The following FKBP4 variants were observed in gnomAD, a reference collection of about 807,000 sequenced individuals.
FKBP4 encodes the protein FKBP prolyl isomerase 4, also known as peptidyl-prolyl cis-trans isomerase FKBP4.
A neutral mutation model predicts 54.1 loss-of-function variants in FKBP4; 28 were observed. The observed-to-expected ratio is 0.52, with a 90% confidence interval of 0.38 to 0.71. FKBP4 has a LOEUF of 0.71. Among genes scored for constraint, FKBP4 ranks in the 30% least tolerant of loss-of-function variants. FKBP4 has a pLI of 0.00. For synonymous variants in FKBP4, 223 were observed against 216.1 expected, an observed-to-expected ratio of 1.03 and a Z score of -0.28; for missense variants, 493 against 574.4, an observed-to-expected ratio of 0.86 and a Z score of 1.45.
chr12:2,796,180 G>A (rs1259270356), intron 1 of FKBP4: 7 of 1,281,188 alleles, frequency 5.5e-6, no homozygotes, highest in Non-Finnish European at 5.1e-6. Context: ...CCTCATCCTG[G>A]CTTCCCACCG....
At chr12:2,799,266 G>T in intron 5 of FKBP4, 22 bp downstream of exon 5, 1 of 1,470,108 alleles carries the variant, frequency 6.8e-7, no homozygotes, top group African/African-American at 1.4e-5. Flanking sequence ...GCACTTCGTA[G>T]GGTAGGCAGG....
At position 2,799,101 on chromosome 12, in the gene FKBP4, G is replaced by T. The variant is rs1011831601; in HGVS notation, c.528G>T (p.Gly176=). 6.5e-7 allele frequency: 1 copy of T among 1,547,832 alleles called. No homozygotes were observed. The highest frequency in any genetic ancestry group is 1.4e-5 in the African/African-American group (1 of 72,546). The change falls in exon 5 of 10, where the codon GGG becomes GGT. Residue 176 remains glycine (G), a synonymous_variant. Transcript: ENST00000001008. ...CTTTCATGCCAGTTGCACTGGAAGG[G>T]TACTACAAGGACAAGCTCTTTGACC... ...EGAIVEVALE[G]YYKDKLFDQR...
Position 2,800,505 on chromosome 12 carries a change from C to T in FKBP4, c.960C>T (p.Ala320=), listed in dbSNP as rs1305938880. ...AGAAAGCACAGGCCCTTCGACTGGC[C>T]TCTCACCTCAACCTGGCCATGTGTC... ...EAQKAQALRL[A]SHLNLAMCHL... is the part of the protein sequence containing the mutation. Residue 320 remains alanine (A), a synonymous_variant, in exon 8 of 10, where the codon GCC becomes GCT. Coordinates refer to ENST00000001008, the MANE Select transcript of FKBP4 (RefSeq NM_002014.4). The T allele has an allele frequency of 6.2e-7, 1 of 1,614,186 alleles. No individual in the cohort carries two copies. The highest frequency in any genetic ancestry group is 8.5e-7 in the Non-Finnish European group (1 of 1,180,044).
At position 2,795,659 on chromosome 12, in the gene FKBP4, G is replaced by A. The variant is rs1379487282; in HGVS notation, c.105+415G>A. 6 of 150,686 alleles carry A rather than the reference G, an allele frequency of 4.0e-5. No homozygotes were observed. The highest frequency in any genetic ancestry group is 3.9e-4 in the East Asian group (2 of 5,130). The allele number at this position is 150,686 out of a possible 1,614,324, so 9.3% of individuals were successfully genotyped here. A position where few individuals can be genotyped will look rare whatever the true frequency, so the allele number is the denominator to read the frequency against. On this transcript the variant is annotated intron_variant, in intron 1 of 9. Coordinates refer to ENST00000001008, the MANE Select transcript of FKBP4 (RefSeq NM_002014.4). This position sits in a 1 kb window ranked among gnomAD's most constrained non-coding sequence, Gnocchi z 4.3. ...CGCCGCCCCCGACCTCGCGGCCCCAGCGGAGCTGCCAGCCGCGGGCCGCCT... is the reference window on the plus strand; with the variant it reads ...CGCCGCCCCCGACCTCGCGGCCCCAACGGAGCTGCCAGCCGCGGGCCGCCT...
chr12:2,802,022 T>C (rs1180515752), intron 9 of FKBP4, among the ~76,000 whole-genome samples: 1 of 151,588 alleles, frequency 6.6e-6, no homozygotes, highest in Non-Finnish European at 1.5e-5. Context: ...TGGAGGCTTA[T>C]TTTACATCCG....
Position 2,798,361 on chromosome 12 carries a change from T to C in FKBP4, c.394-345T>C, listed in dbSNP as rs1162183032. On this transcript the variant is annotated intron_variant, in intron 3 of 9. Transcript: ENST00000001008. The surrounding 1 kb of genome is among the most constrained non-coding windows in gnomAD (Gnocchi z 4.3). Reference sequence around the variant, plus strand: ...AATACTGAGAAACTGCTGAGAGATGTTGGGTAATCATTTCTAATACCTACC... The same window carrying C: ...AATACTGAGAAACTGCTGAGAGATGCTGGGTAATCATTTCTAATACCTACC... 6.6e-6 allele frequency among the ~76,000 whole-genome samples: 1 copy of C among 152,188 alleles called. No individual in the cohort carries two copies. The highest frequency in any genetic ancestry group is 1.5e-5 in the Non-Finnish European group (1 of 68,032).
intron 5 of FKBP4, among the ~76,000 whole-genome samples, chr12:2,799,569 A>C (rs2097903642): frequency 1.3e-5 from 2 of 152,254 alleles, no homozygotes; most frequent in Admixed American, 1.3e-4. Context: ...TTCAGAGACT[A>C]ATAGAACATT....
At chr12:2,802,054 C>A (rs931162299) in intron 9 of FKBP4, among the ~76,000 whole-genome samples, 20 of 152,200 alleles carry the variant, frequency 1.3e-4, no homozygotes, top group Admixed American at 4.6e-4. Context: ...CTTTTACATT[C>A]TTTCTTAGGC....
At position 2,795,324 on chromosome 12, in the gene FKBP4, G is replaced by GCT; in HGVS notation, c.105+81_105+82insTC. 1.4e-6 allele frequency: 1 copy of GCT among 721,954 alleles called. No homozygotes were observed. The highest frequency in any genetic ancestry group is 1.8e-6 in the Non-Finnish European group (1 of 554,782). The allele number at this position is 721,954 out of a possible 1,614,324, so 44.7% of individuals were successfully genotyped here. On this transcript the variant is annotated intron_variant, in intron 1 of 9. Coordinates refer to ENST00000001008, the MANE Select transcript of FKBP4 (RefSeq NM_002014.4). This position sits in a 1 kb window ranked among gnomAD's most constrained non-coding sequence, Gnocchi z 4.3. Reference sequence around the variant, plus strand: ...CCTTCCGCCGCGCCCGGAGCCCGCGGCCGGGCACGGGTCGAGGCGGCCGCC... The same window carrying GCT: ...CCTTCCGCCGCGCCCGGAGCCCGCGGCTCCGGGCACGGGTCGAGGCGGCCGCC...
At position 2,795,085 on chromosome 12, in the gene FKBP4, C is replaced by CGGGCACGGGTCGAGGCGGCCGCCTTTG; in HGVS notation, c.-55_-54insGGGCACGGGTCGAGGCGGCCGCCTTTG. On this transcript the variant is annotated 5_prime_UTR_variant, in exon 1 of 10. Transcript: ENST00000001008. The surrounding 1 kb of genome is among the most constrained non-coding windows in gnomAD (Gnocchi z 4.3). Reference sequence around the variant, plus strand: ...CGCAGGTAGCGCCCCCGCCCGCGGCCCAGAGTGCGCTCGCGCCGGCACCAG... The same window carrying CGGGCACGGGTCGAGGCGGCCGCCTTTG: ...CGCAGGTAGCGCCCCCGCCCGCGGCCGGGCACGGGTCGAGGCGGCCGCCTTTGCAGAGTGCGCTCGCGCCGGCACCAG... The CGGGCACGGGTCGAGGCGGCCGCCTTTG allele has an allele frequency of 8.6e-7, 1 of 1,163,554 alleles. No individual in the cohort carries two copies. The highest frequency in any genetic ancestry group is 1.1e-6 in the Non-Finnish European group (1 of 910,206). 72.1% of individuals were successfully genotyped at this position (1,163,554 alleles called of 1,614,324 possible).
rs1311057905 is a variant in FKBP4, at chr12:2,795,439, C to A, written c.105+195C>A. Among the ~76,000 whole-genome samples, 1 of 147,614 alleles carries A rather than the reference C, an allele frequency of 6.8e-6. No homozygotes were observed. Among genetic ancestry groups the A allele is most frequent in the Admixed American group, 6.7e-5 (1 of 14,872 alleles). The stretch of plus-strand genomic sequence containing the variant: ...GTTTAAGGCACCGAGGCCGGCCATG[C>A]GCTCGGCAGGGGGGCGGCCTAGGTG... On this transcript the variant is annotated intron_variant, in intron 1 of 9. Transcript: ENST00000001008. The surrounding 1 kb of genome is among the most constrained non-coding windows in gnomAD (Gnocchi z 4.3).
intron 9 of FKBP4, 55 bp from the exon 10 acceptor site, chr12:2,803,096 G>A: frequency 8.2e-7 from 1 of 1,214,942 alleles, no homozygotes; most frequent in Non-Finnish European, 1.2e-6. Context: ...TGGAAATTAA[G>A]TGTGTGTTTT....
Position 2,798,808 on chromosome 12 carries a change from G to A in FKBP4, c.496G>A (p.Glu166Lys). 6.2e-7 allele frequency: 1 copy of A among 1,614,212 alleles called. No individual in the cohort carries two copies. Among genetic ancestry groups the A allele is most frequent in the Non-Finnish European group, 8.5e-7 (1 of 1,180,048 alleles). Reference sequence around the variant, plus strand: ...CGGTGAAGGCTATGCTAAGCCCAATGAGGGTGCTATCGTGGAGGGTGAGAC... The same window carrying A: ...CGGTGAAGGCTATGCTAAGCCCAATAAGGGTGCTATCGTGGAGGGTGAGAC... ...TRGEGYAKPNEGAIVEVALEG... is the reference protein window; with the variant it reads ...TRGEGYAKPNKGAIVEVALEG... The change falls in exon 4 of 10, where the codon GAG (glutamate) becomes AAG (lysine). Residue 166 changes from glutamate to lysine, a missense_variant. Transcript: ENST00000001008. This position sits in a 1 kb window ranked among gnomAD's most constrained non-coding sequence, Gnocchi z 4.3.
At chr12:2,801,418 G>C in intron 9 of FKBP4, 62 bp downstream of exon 9, 3 of 1,602,064 alleles carry the variant, frequency 1.9e-6, no homozygotes, top group East Asian at 2.2e-5. Flanking sequence ...GCTACTGTGG[G>C]CTCTTTGTGC....
At chr12:2,799,753 T>C (rs2097903722) in intron 5 of FKBP4, 97 bp from the exon 6 acceptor site, 4 of 1,022,164 alleles carry the variant, frequency 3.9e-6, no homozygotes, top group Non-Finnish European at 6.0e-6. Flanking sequence ...TCTCAAGGGA[T>C]GGGAAGGTAC....
At position 2,805,141 on chromosome 12, in the gene FKBP4, G is replaced by A. The variant is rs367879686; in HGVS notation, c.*1883G>A. 2.2e-6 allele frequency: 1 copy of A among 455,818 alleles called. No homozygotes were observed. Among genetic ancestry groups the A allele is most frequent in the South Asian group, 1.6e-5 (1 of 64,500 alleles). 28.2% of individuals were successfully genotyped at this position (455,818 alleles called of 1,614,324 possible). ...TCCTTGCAACCATCCTACAAAGAAG[G>A]TATAACTTTAATAACCCTATTTACA... On this transcript the variant is annotated 3_prime_UTR_variant, in exon 10 of 10. Coordinates refer to ENST00000001008, the MANE Select transcript of FKBP4 (RefSeq NM_002014.4).
At chr12:2,796,191 C>T (rs2097901738) in intron 1 of FKBP4, 2 of 1,286,022 alleles carry the variant, frequency 1.6e-6, no homozygotes, top group Admixed American at 2.3e-5. Flanking sequence ...CTTCCCACCG[C>T]TGAGCTCCGC....
At position 2,799,236 on chromosome 12, in the gene FKBP4, C is replaced by G. The variant is rs777530787; in HGVS notation, c.663C>G (p.Leu221=). The change falls in exon 5 of 10, where the codon CTC becomes CTG. Residue 221 remains leucine, a synonymous_variant. Coordinates refer to ENST00000001008, the MANE Select transcript of FKBP4 (RefSeq NM_002014.4). ...MEKGEHSIVY[L]KPSYAFGSVG... ...AAGGAGAACATTCCATCGTGTACCT[C>G]AAGCCCAGGTGAGGGGTGGGCACTT... 3.3e-6 allele frequency: 5 copies of G among 1,513,918 alleles called. No individual in the cohort carries two copies. Among genetic ancestry groups the G allele is most frequent in the East Asian group, 4.7e-5 (2 of 42,530 alleles). 93.8% of individuals were successfully genotyped at this position (1,513,918 alleles called of 1,614,324 possible).
Position 2,795,163 on chromosome 12 carries a change from G to C in FKBP4, c.24G>C (p.Ala8=), listed in dbSNP as rs1159172433. The change falls in exon 1 of 10, where the codon GCG becomes GCC. Residue 8 remains alanine, a synonymous_variant. Coordinates refer to ENST00000001008, the MANE Select transcript of FKBP4 (RefSeq NM_002014.4). The surrounding 1 kb of genome is among the most constrained non-coding windows in gnomAD (Gnocchi z 4.3). MTAEEMK[A]TESGAQSAPL... ...AGATGACAGCCGAGGAGATGAAGGCGACCGAGAGCGGGGCGCAGTCGGCGC... is the reference window on the plus strand; with the variant it reads ...AGATGACAGCCGAGGAGATGAAGGCCACCGAGAGCGGGGCGCAGTCGGCGC... 6 of 1,313,286 alleles carry C rather than the reference G, an allele frequency of 4.6e-6. No homozygotes were observed. Among genetic ancestry groups the C allele is most frequent in the Non-Finnish European group, 5.9e-6 (6 of 1,022,566 alleles). The allele number at this position is 1,313,286 out of a possible 1,614,324, so 81.4% of individuals were successfully genotyped here. A position where few individuals can be genotyped will look rare whatever the true frequency, so the allele number is the denominator to read the frequency against.
Sources: gnomAD v4.1 joint callset for allele counts (sites outside exome capture counted in the v4.1 genomes callset) on GRCh38, gnomAD v4.1.1 for gene constraint, Gnocchi (gnomAD v3.1) non-coding constraint, MANE v1.5 for transcripts, NCBI Gene and HGNC (gene_info 2026-07-23, HGNC 2026-07-21) for gene names.